Variants in METTL8 observed in about 807,000 individuals in gnomAD.
METTL8 encodes the protein methyltransferase 8, tRNA N3-cytidine.
METTL8 carries 32 observed loss-of-function variants against 48.7 expected under a neutral mutation model. That is an observed-to-expected ratio of 0.66 (90% CI 0.50 to 0.88). The LOEUF (loss-of-function observed/expected upper bound fraction) is 0.88, where lower values mean the gene tolerates loss of function less well. Among genes scored for constraint, METTL8 ranks in the 40% least tolerant of loss-of-function variants. The probability of loss-of-function intolerance (pLI) is 0.00; values close to 1 mark genes in which losing one functional copy is unlikely to be tolerated. For synonymous variants in METTL8, 136 were observed against 157.1 expected, an observed-to-expected ratio of 0.87 and a Z score of 1.01; for missense variants, 464 against 474.4, an observed-to-expected ratio of 0.98 and a Z score of 0.20.
intron 2 of METTL8, chr2:171,375,382 T>C: frequency 3.2e-6 from 2 of 621,050 alleles, no homozygotes; most frequent in Non-Finnish European, 2.9e-6. Flanking sequence ...ACAAATAAAC[T>C]GCCAAGTTGT....
intron 3 of METTL8, among the ~76,000 whole-genome samples, chr2:171,350,576 C>A (rs951093042): frequency 6.6e-6 from 1 of 152,198 alleles, no homozygotes; most frequent in Non-Finnish European, 1.5e-5. Context: ...TACAGTCCCA[C>A]CGACAGTTTA....
At chr2:171,325,958 A>AC in intron 8 of METTL8, 52 bp from the exon 9 acceptor site, 1 of 1,414,940 alleles carries the variant, frequency 7.1e-7, no homozygotes, top group Non-Finnish European at 9.8e-7. Context: ...TTTAAAAAAA[A>AC]ACAACTAAAT....
At chr2:171,379,443 C>A (rs186604286) in intron 2 of METTL8, among the ~76,000 whole-genome samples, 2 of 147,748 alleles carry the variant, frequency 1.4e-5, no homozygotes, top group Non-Finnish European at 3.0e-5. Context: ...ACACAAAAAA[C>A]CCTTAAAAAA....
intron 2 of METTL8, among the ~76,000 whole-genome samples, chr2:171,373,596 G>C (rs2105508467): frequency 6.6e-6 from 1 of 152,320 alleles, no homozygotes; most frequent in Non-Finnish European, 1.5e-5. Context: ...TATTCTTCTA[G>C]AGTTTTTATG....
intron 1 of METTL8, 67 bp from the exon 2 acceptor site, chr2:171,392,264 A>C: frequency 1.5e-6 from 2 of 1,333,360 alleles, no homozygotes; most frequent in Non-Finnish European, 2.0e-6. Flanking sequence ...CTAATACCCA[A>C]AACCTGGTTC....
At chr2:171,329,086 A>G (rs147728007) in intron 7 of METTL8, among the ~76,000 whole-genome samples, 6,143 of 150,814 alleles carry the variant, frequency 0.041, 176 homozygotes, top group African/African-American at 0.072. Context: ...CCTGAGTTCA[A>G]ACGACTCTCC....
chr2:171,410,509 G>A (rs1482000076), intron 1 of METTL8, among the ~76,000 whole-genome samples: 1 of 152,134 alleles, frequency 6.6e-6, no homozygotes, highest in African/African-American at 2.4e-5. Context: ...TGTCTAGAAG[G>A]TACTAATGTT....
chr2:171,426,748 T>C (rs1478402790), intron 1 of METTL8, among the ~76,000 whole-genome samples: 2 of 152,238 alleles, frequency 1.3e-5, no homozygotes, highest in African/African-American at 2.4e-5. Flanking sequence ...AAAGGTTCAA[T>C]AACTTCAAAA....
intron 1 of METTL8, among the ~76,000 whole-genome samples, chr2:171,416,435 C>A (rs982998082): frequency 6.6e-6 from 1 of 152,218 alleles, no homozygotes; most frequent in African/African-American, 2.4e-5. Context: ...ACAATGCCTT[C>A]CTTTATTATG....
chr2:171,417,737 T>G (rs555393357), intron 1 of METTL8, among the ~76,000 whole-genome samples: 1 of 152,252 alleles, frequency 6.6e-6, no homozygotes, highest in Non-Finnish European at 1.5e-5. Flanking sequence ...TTTATAAAAA[T>G]GTTACAGATA....
chr2:171,381,561 A>T (rs1018248373), intron 2 of METTL8, among the ~76,000 whole-genome samples: 7 of 151,584 alleles, frequency 4.6e-5, no homozygotes, highest in African/African-American at 1.7e-4. Flanking sequence ...AATTTACAAG[A>T]AAAAAAAACA....
intron 1 of METTL8, among the ~76,000 whole-genome samples, chr2:171,428,837 A>G (rs946133298): frequency 2.6e-5 from 4 of 152,196 alleles, no homozygotes; most frequent in Non-Finnish European, 5.9e-5. Flanking sequence ...GCTTCAGATA[A>G]AGAAAATCTC....
rs191616529 is a variant in METTL8 at position 171,428,713 on chromosome 2, G to A, written c.-13+5170C>T. On this transcript the variant is annotated intron_variant, in intron 1 of 9. Transcript: ENST00000375258. ...GCCACAACAGTATACACAGTAACAT[G>A]GAAGCACAGAAAAGGCTACTAACCA... Among the ~76,000 whole-genome samples the A allele has an allele frequency of 5.3e-5, 8 of 152,190 alleles. No homozygotes were observed. In the East Asian group the frequency reaches 1.3e-3, roughly 26 times the overall value.
intron 4 of METTL8, 61 bp downstream of exon 4, chr2:171,339,123 T>TA: frequency 7.4e-7 from 1 of 1,359,524 alleles, no homozygotes; most frequent in Non-Finnish European, 9.7e-7. Context: ...AATAAAATAA[T>TA]ACAGAATGTA....
chr2:171,320,166 T>C lies in METTL8; in HGVS notation c.*4006A>G, dbSNP rs1351991588. On this transcript the variant is annotated 3_prime_UTR_variant, in exon 10 of 10. Transcript: ENST00000375258. ...CTGTGCCAAAATCTACATTTCTATC[T>C]AGCAGCAAACCCCGAGAAGGAAGTT... is the stretch of plus-strand genomic sequence containing the variant. 4 of 151,972 alleles carry C rather than the reference T, an allele frequency of 2.6e-5. No individual in the cohort carries two copies. Among genetic ancestry groups the C allele is most frequent in the African/African-American group, 4.8e-5 (2 of 41,366 alleles). 9.4% of individuals were successfully genotyped at this position (151,972 alleles called of 1,614,324 possible). A position where few individuals can be genotyped will look rare whatever the true frequency, so the allele number is the denominator to read the frequency against.
rs1272340734 is a variant in METTL8, at chr2:171,361,455, A to G, written c.144-942T>C. On this transcript the variant is annotated intron_variant, in intron 2 of 9. Transcript: ENST00000375258. Reference sequence around the variant, plus strand: ...CTGATGAGAAGGGATAAATTATACAATTTTCTTGGAAGTGCATCATGCTGT... The same window carrying G: ...CTGATGAGAAGGGATAAATTATACAGTTTTCTTGGAAGTGCATCATGCTGT... Among the ~76,000 whole-genome samples, 3 of 152,138 alleles carry G rather than the reference A, an allele frequency of 2.0e-5. No individual in the cohort carries two copies. The East Asian group carries it at 5.8e-4, about 29-fold the overall frequency.
At chr2:171,401,934 G>C (rs913983510) in intron 1 of METTL8, among the ~76,000 whole-genome samples, 1 of 152,092 alleles carries the variant, frequency 6.6e-6, no homozygotes, top group Non-Finnish European at 1.5e-5. Flanking sequence ...TAAGTCCTGG[G>C]ATTTCAGAGA....
At chr2:171,357,239 G>T (rs555108495) in intron 3 of METTL8, among the ~76,000 whole-genome samples, 1 of 152,062 alleles carries the variant, frequency 6.6e-6, no homozygotes, top group Non-Finnish European at 1.5e-5. Flanking sequence ...GATTACAGGC[G>T]TAAGCCCCTG....
chr2:171,334,063 T>C (rs1183263687), intron 5 of METTL8, among the ~76,000 whole-genome samples: 1 of 147,570 alleles, frequency 6.8e-6, no homozygotes, highest in Non-Finnish European at 1.5e-5. Flanking sequence ...AAAACTAACA[T>C]AGTCCTCTAA....
Sources: gnomAD v4.1 joint callset for allele counts (sites outside exome capture counted in the v4.1 genomes callset) on GRCh38, gnomAD v4.1.1 for gene constraint, MANE v1.5 for transcripts, NCBI Gene and HGNC (gene_info 2026-07-23, HGNC 2026-07-21) for gene names.